Variants in SLC25A28 observed in about 807,000 individuals in gnomAD.
The protein encoded by SLC25A28 is mitoferrin-2.
SLC25A28 carries 10 observed loss-of-function variants against 31.9 expected under a neutral mutation model. The ratio of observed to expected loss-of-function variants is 0.31; its 90% CI spans 0.19 to 0.53. The LOEUF (loss-of-function observed/expected upper bound fraction) is 0.53, where lower values mean the gene tolerates loss of function less well. Among genes scored for constraint, SLC25A28 ranks in the 20% least tolerant of loss-of-function variants. The probability of loss-of-function intolerance (pLI) is 0.95; values close to 1 mark genes in which losing one functional copy is unlikely to be tolerated. For synonymous variants in SLC25A28, 208 were observed against 203.6 expected, an observed-to-expected ratio of 1.02 and a Z score of -0.19; for missense variants, 256 against 490.3, an observed-to-expected ratio of 0.52 and a Z score of 4.51.
At chr10:99,624,796 C>T (rs1475567053), upstream of SLC25A28, among the ~76,000 whole-genome samples, 1 of 152,106 alleles carries the variant, frequency 6.6e-6, no homozygotes, top group Non-Finnish European at 1.5e-5. Flanking sequence ...GATTGGGCCA[C>T]TGCACTCCAG....
chr10:99,632,707 G>T, the SLC25A28 span, among the ~76,000 whole-genome samples: 1 of 151,878 alleles, frequency 6.6e-6, no homozygotes, highest in African/African-American at 2.4e-5. Context: ...TTTTTTTCAG[G>T]TCAACTGTGA....
At chr10:99,630,034 AGTGAGACT>A in the SLC25A28 span, among the ~76,000 whole-genome samples, 2 of 152,204 alleles carry the variant, frequency 1.3e-5, no homozygotes, top group African/African-American at 4.8e-5. Context: ...AAAAAAGGGT[AGTGAGACT>A]GTAAAGCAGT....
chr10:99,639,480 A>G, the SLC25A28 span, among the ~76,000 whole-genome samples: 2 of 152,114 alleles, frequency 1.3e-5, no homozygotes, highest in Non-Finnish European at 2.9e-5. Flanking sequence ...TAACCTATGG[A>G]AAATTTTTTA....
upstream of SLC25A28, among the ~76,000 whole-genome samples, chr10:99,624,563 G>A (rs780594081): frequency 1.2e-4 from 19 of 152,196 alleles, no homozygotes; most frequent in Admixed American, 8.5e-4. Context: ...GGCCAGGCAC[G>A]GTGGCTCATG....
the SLC25A28 span, among the ~76,000 whole-genome samples, chr10:99,651,091 C>T: frequency 6.6e-6 from 1 of 152,160 alleles, no homozygotes; most frequent in Non-Finnish European, 1.5e-5. Flanking sequence ...TTCCCAGCAT[C>T]CAGGAGCCTC....
At chr10:99,655,670 G>A in the SLC25A28 span, among the ~76,000 whole-genome samples, 1 of 152,138 alleles carries the variant, frequency 6.6e-6, no homozygotes, top group Non-Finnish European at 1.5e-5. Flanking sequence ...CCCTAGAAAT[G>A]TCTTCCCTCC....
chr10:99,616,305 T>C (rs1321988854), intron 1 of SLC25A28: 1 of 814,370 alleles, frequency 1.2e-6, no homozygotes, highest in Non-Finnish European at 1.5e-6. Flanking sequence ...TTAACCTCTT[T>C]AAGCTTCAAA....
intron 1 of SLC25A28, chr10:99,618,947 T>A: frequency 1.0e-6 from 1 of 985,480 alleles, no homozygotes; most frequent in Non-Finnish European, 1.2e-6. Flanking sequence ...AGGTCACTGT[T>A]TGACTATTAC....
At chr10:99,615,786 C>A in intron 1 of SLC25A28, 2 of 985,388 alleles carry the variant, frequency 2.0e-6, no homozygotes, top group Non-Finnish European at 2.4e-6. Flanking sequence ...CTTAGCTTAT[C>A]GTGTTTCCAT....
At chr10:99,617,098 A>G (rs1473775860) in intron 1 of SLC25A28, 1 of 985,268 alleles carries the variant, frequency 1.0e-6, no homozygotes, top group Admixed American at 6.2e-5. Context: ...TTGCTTTACC[A>G]CTTCAGAGCC....
chr10:99,646,261 G>A, the SLC25A28 span, among the ~76,000 whole-genome samples: 11 of 152,266 alleles, frequency 7.2e-5, no homozygotes, highest in African/African-American at 1.7e-4. Flanking sequence ...CAGCAATGGC[G>A]GACGCCCCTC....
At chr10:99,644,812 GTAGCTTAGT>G in the SLC25A28 span, among the ~76,000 whole-genome samples, 2 of 152,120 alleles carry the variant, frequency 1.3e-5, no homozygotes, top group Non-Finnish European at 2.9e-5. Context: ...CTTCATGTAT[GTAGCTTAGT>G]TTGGCTGGAT....
chr10:99,625,914 G>A, the SLC25A28 span, among the ~76,000 whole-genome samples: 1 of 152,282 alleles, frequency 6.6e-6, no homozygotes. Context: ...ACACCATGAG[G>A]CATCCTATCA....
At chr10:99,655,241 A>G in the SLC25A28 span, among the ~76,000 whole-genome samples, 2 of 152,142 alleles carry the variant, frequency 1.3e-5, no homozygotes, top group Non-Finnish European at 2.9e-5. Flanking sequence ...ACTTGAACCC[A>G]GGAGGCAGAG....
the SLC25A28 span, among the ~76,000 whole-genome samples, chr10:99,658,991 G>A: frequency 1.3e-5 from 2 of 152,266 alleles, no homozygotes; most frequent in Non-Finnish European, 2.9e-5. Flanking sequence ...CACGGGGCAA[G>A]ACAGTGAGGT....
chr10:99,640,564 TTTC>T, the SLC25A28 span, among the ~76,000 whole-genome samples: 3 of 152,128 alleles, frequency 2.0e-5, no homozygotes, highest in East Asian at 1.9e-4. Flanking sequence ...CAAGTGCAGA[TTTC>T]TTCTTTTTTT....
intron 1 of SLC25A28, chr10:99,616,278 G>A: frequency 9.0e-6 from 8 of 888,592 alleles, no homozygotes; most frequent in Non-Finnish European, 1.1e-5. Flanking sequence ...CTAGTTGTGT[G>A]ATCTTGGGTA....
Position 99,613,423 on chromosome 10 carries a change from T to TA in SLC25A28, c.520+272_520+273insT. The TA allele has an allele frequency of 3.8e-6, 5 of 1,330,700 alleles. No individual in the cohort carries two copies. The highest frequency in any genetic ancestry group is 4.8e-6 in the Non-Finnish European group (5 of 1,035,000). 82.4% of individuals were successfully genotyped at this position (1,330,700 alleles called of 1,614,324 possible). A position where few individuals can be genotyped will look rare whatever the true frequency, so the allele number is the denominator to read the frequency against. On this transcript the variant is annotated intron_variant, in intron 2 of 3. Transcript: ENST00000370495. This position sits in a 1 kb window ranked among gnomAD's most constrained non-coding sequence, Gnocchi z 4.9. Reference sequence around the variant, plus strand: ...AGTGTGTCTCCACATTACCAGGGCATTAGAAGTTGATGCCAGGGAGATGAG... The same window carrying TA: ...AGTGTGTCTCCACATTACCAGGGCATATAGAAGTTGATGCCAGGGAGATGAG...
the SLC25A28 span, among the ~76,000 whole-genome samples, chr10:99,627,444 GT>G: frequency 8.3e-4 from 116 of 139,778 alleles, no homozygotes; most frequent in South Asian, 1.4e-3. Flanking sequence ...TATTCATCTT[GT>G]TTTTTTTTTT....
Sources: gnomAD v4.1 joint callset for allele counts (sites outside exome capture counted in the v4.1 genomes callset) on GRCh38, gnomAD v4.1.1 for gene constraint, Gnocchi (gnomAD v3.1) non-coding constraint, MANE v1.5 for transcripts, NCBI Gene and HGNC (gene_info 2026-07-23, HGNC 2026-07-21) for gene names.